Variants in NCOA7 observed in about 807,000 individuals in gnomAD.
The protein encoded by NCOA7 is 140 kDa estrogen receptor-associated protein.
A neutral mutation model predicts 104.3 loss-of-function variants in NCOA7; 45 were observed. That is an observed-to-expected ratio of 0.43 (90% confidence interval 0.34 to 0.55). The LOEUF is 0.55. Ranked by LOEUF, NCOA7 falls within the 20% of genes least tolerant of loss-of-function variation. The pLI is 0.02. For synonymous variants in NCOA7, 398 were observed against 402.3 expected, an observed-to-expected ratio of 0.99 and a Z score of 0.13; for missense variants, 1,041 against 1,119.7, an observed-to-expected ratio of 0.93 and a Z score of 1.00.
rs975547575 is a variant in NCOA7, at chr6:125,813,891, A to G, written c.-64-1400A>G. ...TTTTAATGATATTTTGAAAATATAC[A>G]TTAGAAAATGGCTAAATTTAGCTAA... On this transcript the variant is annotated intron_variant, in intron 1 of 15. Transcript: ENST00000392477. Among the ~76,000 whole-genome samples the G allele has an allele frequency of 2.7e-5, 4 of 148,254 alleles. 1 individual carries two copies. In the Admixed American group the frequency reaches 2.8e-4, roughly 10 times the overall value.
intron 2 of NCOA7, 22 bp from the exon 3 acceptor site, chr6:125,854,998 C>CT (rs769972185): frequency 2.2e-5 from 33 of 1,527,828 alleles, no homozygotes; most frequent in African/African-American, 2.8e-5. Flanking sequence ...AATGTTTTTT[C>CT]TTTTTTTTCC....
intron 3 of NCOA7, among the ~76,000 whole-genome samples, chr6:125,861,482 T>G (rs1049124180): frequency 6.6e-6 from 1 of 152,190 alleles, no homozygotes; most frequent in Non-Finnish European, 1.5e-5. Context: ...CTTTAGATCT[T>G]AAAACATCAA....
intron 1 of NCOA7, among the ~76,000 whole-genome samples, chr6:125,808,694 G>T (rs1776686016): frequency 6.6e-6 from 1 of 152,156 alleles, no homozygotes; most frequent in South Asian, 2.1e-4. Context: ...AAACTAAAAT[G>T]CATTTGTCTG....
At chr6:125,874,803 A>C in intron 3 of NCOA7, 86 bp from the exon 4 acceptor site, 2 of 958,980 alleles carry the variant, frequency 2.1e-6, no homozygotes, top group Non-Finnish European at 3.3e-6. Context: ...AGTTGATTTG[A>C]AAGTGGGTTT....
intron 5 of NCOA7, among the ~76,000 whole-genome samples, chr6:125,880,317 A>G (rs1204923936): frequency 6.6e-6 from 1 of 151,988 alleles, no homozygotes; most frequent in African/African-American, 2.4e-5. Flanking sequence ...CCTGGCACAG[A>G]TATTAAGTTT....
At chr6:125,898,917 C>G (rs1562158962) in intron 10 of NCOA7, among the ~76,000 whole-genome samples, 1 of 152,022 alleles carries the variant, frequency 6.6e-6, no homozygotes, top group Non-Finnish European at 1.5e-5. Flanking sequence ...ATTGAAATCT[C>G]ATAGTTTTGT....
intron 2 of NCOA7, among the ~76,000 whole-genome samples, chr6:125,817,005 T>C (rs1777652395): frequency 6.6e-6 from 1 of 152,384 alleles, no homozygotes; most frequent in Middle Eastern, 3.4e-3. Flanking sequence ...TGGAATCATA[T>C]AGTATGTAAC....
At chr6:125,801,594 G>T (rs533752997) in intron 1 of NCOA7, among the ~76,000 whole-genome samples, 3 of 152,272 alleles carry the variant, frequency 2.0e-5, no homozygotes, top group South Asian at 4.1e-4. Context: ...TCAAAATCAA[G>T]GTGTCAGCAG....
At chr6:125,806,058 C>T (rs1776417031) in intron 1 of NCOA7, among the ~76,000 whole-genome samples, 1 of 151,910 alleles carries the variant, frequency 6.6e-6, no homozygotes, top group African/African-American at 2.4e-5. Flanking sequence ...AGGTACCTTT[C>T]AGCCGGGCAC....
intron 10 of NCOA7, among the ~76,000 whole-genome samples, chr6:125,892,676 AAAACAAACAAAT>A (rs1192071762): frequency 6.6e-6 from 1 of 152,186 alleles, no homozygotes; most frequent in Non-Finnish European, 1.5e-5. Context: ...TTTGTCACAA[AAAACAAACAAAT>A]AAACAAACAA....
In NCOA7 at chr6:125,918,438, A is replaced by G. The variant is rs185392396; in HGVS notation, c.2245-2505A>G. On this transcript the variant is annotated intron_variant, in intron 11 of 15. Transcript: ENST00000392477. ...GCTGGCCGTGGACTGGTCTCTAAGT[A>G]TCTGCTAGAGTCTTCTTTATAACCC... is the stretch of plus-strand genomic sequence containing the variant. Among the ~76,000 whole-genome samples, 796 of 152,250 alleles carry G rather than the reference A, an allele frequency of 5.2e-3. 9 individuals carry two copies. Among genetic ancestry groups the G allele is most frequent in the African/African-American group, 0.018 (766 of 41,538 alleles).
At chr6:125,855,332 G>A (rs1048524869) in intron 3 of NCOA7, 92 bp downstream of exon 3, 2 of 1,039,116 alleles carry the variant, frequency 1.9e-6, no homozygotes, top group Non-Finnish European at 2.8e-6. Context: ...CATAATAATG[G>A]TAACAGTTTA....
chr6:125,797,181 T>C (rs1026192503), intron 1 of NCOA7, among the ~76,000 whole-genome samples: 1 of 152,180 alleles, frequency 6.6e-6, no homozygotes, highest in African/African-American at 2.4e-5. Context: ...AAAAGGGTAC[T>C]CTTAAGACAT....
At chr6:125,884,190 A>G (rs930868509) in intron 7 of NCOA7, among the ~76,000 whole-genome samples, 2 of 152,198 alleles carry the variant, frequency 1.3e-5, no homozygotes, top group Admixed American at 6.5e-5. Context: ...ACAGGATTGC[A>G]TTCTTTTTTT....
chr6:125,800,794 A>G (rs766724794), intron 1 of NCOA7, among the ~76,000 whole-genome samples: 21 of 152,252 alleles, frequency 1.4e-4, no homozygotes, highest in Non-Finnish European at 2.2e-4. Flanking sequence ...TGGGAGGCCA[A>G]GGCAGGTGGA....
In NCOA7 at chr6:125,873,869, A is replaced by G. The variant is rs1583432579; in HGVS notation, c.272-1020A>G. Among the ~76,000 whole-genome samples the G allele has an allele frequency of 4.6e-5, 7 of 152,204 alleles. No individual in the cohort carries two copies. In the South Asian group the frequency reaches 1.4e-3, roughly 31 times the overall value. ...CACATACAGGTTGGAGCATCTTTTC[A>G]TGGTTAATTCAATTTTATATTCTTT... is the stretch of plus-strand genomic sequence containing the variant. On this transcript the variant is annotated intron_variant, in intron 3 of 15. Transcript: ENST00000392477.
At chr6:125,834,984 A>G (rs1170617874) in intron 2 of NCOA7, among the ~76,000 whole-genome samples, 1 of 152,228 alleles carries the variant, frequency 6.6e-6, no homozygotes, top group African/African-American at 2.4e-5. Context: ...AGATGAATAC[A>G]TAGCTCCAGC....
In NCOA7 at chr6:125,881,168, C is replaced by T. The variant is rs1305054471; in HGVS notation, c.538C>T (p.Pro180Ser). 1 of 1,613,582 alleles carries T rather than the reference C, an allele frequency of 6.2e-7. No individual in the cohort carries two copies. Residue 180 changes from proline to serine, a missense_variant, in exon 6 of 16, where the codon CCT (proline) becomes TCT (serine). By Grantham distance (74) the Pro-to-Ser change is moderately conservative (BLOSUM62 -1). Transcript: ENST00000392477. ...ATCCAGTCCTGGTGCTACTGTCTCT[C>T]CTTCATCATCAGATGCAGAATATGA... is the stretch of plus-strand genomic sequence containing the variant. ...SSSSPGATVSPSSSDAEYDKL... is the reference protein window; with the variant it reads ...SSSSPGATVSSSSSDAEYDKL...
At chr6:125,799,266 A>G (rs557564182) in intron 1 of NCOA7, among the ~76,000 whole-genome samples, 1 of 152,180 alleles carries the variant, frequency 6.6e-6, no homozygotes, top group South Asian at 2.1e-4. Flanking sequence ...TGTCCTTGCT[A>G]GCTGGAATTT....
Sources: gnomAD v4.1 joint callset for allele counts (sites outside exome capture counted in the v4.1 genomes callset) on GRCh38, gnomAD v4.1.1 for gene constraint, MANE v1.5 for transcripts, NCBI Gene and HGNC (gene_info 2026-07-23, HGNC 2026-07-21) for gene names.